The following PUS10 variants were observed in gnomAD, a reference collection of about 807,000 sequenced individuals.
PUS10 encodes tRNA pseudouridine synthase Pus10.
A neutral mutation model predicts 75.0 loss-of-function variants in PUS10; 59 were observed. The ratio of observed to expected loss-of-function variants is 0.79; its 90% confidence interval spans 0.64 to 0.98. PUS10 has a LOEUF of 0.98. Among genes scored for constraint, PUS10 ranks in the 50% least tolerant of loss-of-function variants. PUS10 has a pLI of 0.00. For missense variants in PUS10, 650 were observed against 614.4 expected, an observed-to-expected ratio of 1.06 and a Z score of -0.61; for synonymous variants, 219 against 211.6, an observed-to-expected ratio of 1.03 and a Z score of -0.30.
intron 4 of PUS10, among the ~76,000 whole-genome samples, chr2:60,973,854 C>T (rs1676851787): frequency 6.6e-6 from 1 of 152,212 alleles, no homozygotes; most frequent in Non-Finnish European, 1.5e-5. Context: ...CCCTCTGAGG[C>T]CCATATAAAG....
intron 4 of PUS10, among the ~76,000 whole-genome samples, chr2:60,995,430 A>T (rs936280856): frequency 6.6e-5 from 10 of 152,204 alleles, no homozygotes; most frequent in Admixed American, 6.5e-4. Context: ...TATTATTATG[A>T]ATAATTTTTC....
At chr2:60,942,500 TG>T in intron 17 of PUS10, 67 bp from the exon 18 acceptor site, 1 of 1,249,052 alleles carries the variant, frequency 8.0e-7, no homozygotes, top group Non-Finnish European at 1.2e-6. Context: ...CTGGTAATGC[TG>T]TATAAATTTA....
intron 15 of PUS10, among the ~76,000 whole-genome samples, chr2:60,952,334 C>CAAAAA (rs78551218): frequency 1.0e-5 from 1 of 100,470 alleles, no homozygotes; most frequent in Non-Finnish European, 1.9e-5. Context: ...GACTCTGTCT[C>CAAAAA]AAAAAAAAAA....
intron 1 of PUS10, among the ~76,000 whole-genome samples, chr2:61,014,140 G>A (rs1451458569): frequency 8.5e-5 from 13 of 152,124 alleles, no homozygotes; most frequent in East Asian, 5.8e-4. Flanking sequence ...TTGGGAAGCC[G>A]AGGCGGGCGG....
intron 4 of PUS10, among the ~76,000 whole-genome samples, chr2:60,984,719 C>T (rs374106716): frequency 3.3e-5 from 5 of 152,142 alleles, no homozygotes; most frequent in African/African-American, 9.7e-5. Context: ...ACCATCTGTA[C>T]GGGAAAGCTC....
chr2:60,997,912 G>C (rs963866883), intron 4 of PUS10, among the ~76,000 whole-genome samples: 3 of 152,140 alleles, frequency 2.0e-5, no homozygotes, highest in African/African-American at 7.2e-5. Context: ...GTGGGTGAGA[G>C]AGAACACACA....
At position 60,942,195 on chromosome 2, in the gene PUS10, C is replaced by A; in HGVS notation, c.*200G>T. On this transcript the variant is annotated 3_prime_UTR_variant, in exon 18 of 18. Transcript: ENST00000316752. Reference sequence around the variant, plus strand: ...GGGAATGAGAAAAATCCTAAGACATCCTTGGAACAATTTAACACAAAATAT... The same window carrying A: ...GGGAATGAGAAAAATCCTAAGACATACTTGGAACAATTTAACACAAAATAT... The A allele has an allele frequency of 2.0e-6, 1 of 503,832 alleles. No individual in the cohort carries two copies. The highest frequency in any genetic ancestry group is 3.2e-5 in the East Asian group (1 of 31,592). The allele number at this position is 503,832 out of a possible 1,614,324, so 31.2% of individuals were successfully genotyped here. A position where few individuals can be genotyped will look rare whatever the true frequency, so the allele number is the denominator to read the frequency against.
chr2:60,948,429 T>C (rs1319696379), intron 15 of PUS10, among the ~76,000 whole-genome samples: 1 of 152,164 alleles, frequency 6.6e-6, no homozygotes, highest in Non-Finnish European at 1.5e-5. Flanking sequence ...GGTTTCACCA[T>C]ATCTGCCAGG....
chr2:60,965,603 T>C (rs1676291378), intron 6 of PUS10, 119 bp from the exon 7 acceptor site: 5 of 697,840 alleles, frequency 7.2e-6, no homozygotes, highest in Non-Finnish European at 9.6e-6. Context: ...CCAGAAAAAC[T>C]GGAAATACTA....
chr2:61,017,764 C>T (rs1463784828), intron 1 of PUS10: 2 of 1,549,218 alleles, frequency 1.3e-6, no homozygotes, highest in Admixed American at 2.0e-5. Context: ...GAGGAGATGG[C>T]GTCCCAGCCG....
chr2:61,017,760 A>G lies in PUS10; in HGVS notation c.-16+248T>C, dbSNP rs1201215154. The G allele has an allele frequency of 1.8e-5, 28 of 1,548,654 alleles. No individual in the cohort carries two copies. The highest frequency in any genetic ancestry group is 2.4e-5 in the Non-Finnish European group (28 of 1,146,226). Reference sequence around the variant, plus strand: ...CGGGAGCCGAGAGGAGGCGGAGGAGATGGCGTCCCAGCCGCCACCTCCCCC... The same window carrying G: ...CGGGAGCCGAGAGGAGGCGGAGGAGGTGGCGTCCCAGCCGCCACCTCCCCC... On this transcript the variant is annotated intron_variant, in intron 1 of 17. Coordinates refer to ENST00000316752, the MANE Select transcript of PUS10 (RefSeq NM_144709.4).
rs1316808333 is a variant in PUS10 at position 60,940,305 on chromosome 2, ATATTTGGGAC to A, written c.*2080_*2089del. 6.6e-6 allele frequency: 1 copy of A among 152,310 alleles called. No individual in the cohort carries two copies. The highest frequency in any genetic ancestry group is 1.5e-5 in the Non-Finnish European group (1 of 68,018). The allele number at this position is 152,310 out of a possible 1,614,324, so 9.4% of individuals were successfully genotyped here. Reference sequence around the variant, plus strand: ...TTTTTCCTAAAATAAACCACAGACTATATTTGGGACTATATAAGAGATACTAAGAAGTACA... The same window carrying A: ...TTTTTCCTAAAATAAACCACAGACTATATATAAGAGATACTAAGAAGTACA... On this transcript the variant is annotated 3_prime_UTR_variant, in exon 18 of 18. Coordinates refer to ENST00000316752, the MANE Select transcript of PUS10 (RefSeq NM_144709.4).
chr2:61,006,818 A>G (rs1462607647), intron 3 of PUS10, among the ~76,000 whole-genome samples, 175 bp from the exon 4 acceptor site: 1 of 152,198 alleles, frequency 6.6e-6, no homozygotes, highest in Non-Finnish European at 1.5e-5. Context: ...CCTAACTATG[A>G]CCCTGAAGAC....
At chr2:60,981,472 G>C (rs1211533788) in intron 4 of PUS10, among the ~76,000 whole-genome samples, 1 of 151,364 alleles carries the variant, frequency 6.6e-6, no homozygotes, top group Non-Finnish European at 1.5e-5. Context: ...AGTGGAGATG[G>C]GGTTTCACCA....
In PUS10 at chr2:61,011,907, T is replaced by G. The variant is rs202038267; in HGVS notation, c.-15-2A>C. ...TGGGAACATATTGAATAATTATAACTAGAAAGAAAAGAAGTAAAACTAATG... is the reference window on the plus strand; with the variant it reads ...TGGGAACATATTGAATAATTATAACGAGAAAGAAAAGAAGTAAAACTAATG... On this transcript the variant is annotated splice_acceptor_variant, in intron 1 of 17. Transcript: ENST00000316752. LOFTEE classifies it low-confidence loss of function (5UTR_SPLICE). 2 of 1,588,248 alleles carry G rather than the reference T, an allele frequency of 1.3e-6. No homozygotes were observed. Among genetic ancestry groups the G allele is most frequent in the Non-Finnish European group, 1.7e-6 (2 of 1,172,238 alleles).
chr2:60,996,953 A>T (rs1678505216), intron 4 of PUS10, among the ~76,000 whole-genome samples: 1 of 152,258 alleles, frequency 6.6e-6, no homozygotes, highest in Non-Finnish European at 1.5e-5. Flanking sequence ...AGACTCTGAC[A>T]AATCACAACC....
rs773448158 is a variant in PUS10 at position 60,952,981 on chromosome 2, A to T, written c.1308+16T>A. On this transcript the variant is annotated intron_variant, in intron 15 of 17. Transcript: ENST00000316752. ...ACAGAAAAATGAAATAAAAAGAATA[A>T]GCACACTTAAACTACCTTTATGTCA... is the stretch of plus-strand genomic sequence containing the variant. The T allele has an allele frequency of 1.6e-6, 2 of 1,242,816 alleles. No individual in the cohort carries two copies. The highest frequency in any genetic ancestry group is 2.4e-6 in the Non-Finnish European group (2 of 850,428). 77.0% of individuals were successfully genotyped at this position (1,242,816 alleles called of 1,614,324 possible).
In PUS10 at chr2:61,006,540, C is replaced by T. The variant is rs771629823; in HGVS notation, c.468+17G>A. The T allele has an allele frequency of 1.9e-6, 3 of 1,559,688 alleles. No homozygotes were observed. Among genetic ancestry groups the T allele is most frequent in the Non-Finnish European group, 2.6e-6 (3 of 1,133,732 alleles). ...CATGCACTTCACATACAGTTTTATG[C>T]ATGCAAATGACCTTACCTCTCTTAC... On this transcript the variant is annotated intron_variant, in intron 4 of 17. Transcript: ENST00000316752.
At chr2:61,015,264 C>T (rs1428797995) in intron 1 of PUS10, among the ~76,000 whole-genome samples, 1 of 152,156 alleles carries the variant, frequency 6.6e-6, no homozygotes, top group East Asian at 1.9e-4. Flanking sequence ...CTTTGGGAGG[C>T]CGAGGCAGGC....
Sources: gnomAD v4.1 joint callset for allele counts (sites outside exome capture counted in the v4.1 genomes callset) on GRCh38, gnomAD v4.1.1 for gene constraint, MANE v1.5 for transcripts, NCBI Gene and HGNC (gene_info 2026-07-23, HGNC 2026-07-21) for gene names.